Variants in PCMT1 observed in about 807,000 individuals in gnomAD.
PCMT1 encodes the protein protein-L-isoaspartate(D-aspartate) O-methyltransferase.
In PCMT1, 9 loss-of-function variants were observed where a neutral mutation model predicts 29.2. That is an observed-to-expected ratio of 0.31 (90% CI 0.19 to 0.54). The LOEUF is 0.54. PCMT1 is among the 20% of genes least tolerant of loss of function. The probability of loss-of-function intolerance (pLI) is 0.95; values close to 1 mark genes in which losing one functional copy is unlikely to be tolerated. For synonymous variants in PCMT1, 98 were observed against 97.5 expected (o/e 1.00, Z -0.03); for missense variants, 184 against 282.2 (o/e 0.65, Z 2.49).
chr6:149,760,220 C>G lies in PCMT1; in HGVS notation c.55+10264C>G, dbSNP rs192840236. On this transcript the variant is annotated intron_variant, in intron 1 of 7. Transcript: ENST00000464889. ...TTACCTTTCCAGGCCTTTTTAGAGT[C>G]TTATATAGCTTACTCCCATGCTCCA... is the stretch of plus-strand genomic sequence containing the variant. 2.0e-3 allele frequency among the ~76,000 whole-genome samples: 310 copies of G among 152,140 alleles called. 4 individuals carry two copies. The highest frequency in any genetic ancestry group is 8.1e-4 in the Non-Finnish European group (55 of 67,956).
intron 4 of PCMT1, among the ~76,000 whole-genome samples, chr6:149,793,150 G>A (rs531004189): frequency 4.0e-5 from 5 of 124,572 alleles, no homozygotes; most frequent in South Asian, 5.4e-4. Context: ...GTGACAGAGC[G>A]AGACTCTCTC....
intron 1 of PCMT1, 63 bp from the exon 2 acceptor site, chr6:149,771,099 T>C: frequency 1.0e-6 from 1 of 979,800 alleles, no homozygotes. Context: ...GCTGGTGTAA[T>C]TATTCTAAAA....
At chr6:149,808,774 T>C (rs1456873530) in intron 7 of PCMT1, among the ~76,000 whole-genome samples, 2 of 151,706 alleles carry the variant, frequency 1.3e-5, no homozygotes, top group Admixed American at 1.3e-4. Context: ...ATAGCTAGGA[T>C]TACAGGTGCA....
chr6:149,789,066 ATTTTTTTTT>A (rs56661461), intron 3 of PCMT1, among the ~76,000 whole-genome samples: 5 of 90,476 alleles, frequency 5.5e-5, no homozygotes, highest in South Asian at 4.0e-4. Context: ...ATTGGATCTG[ATTTTTTTTT>A]TTTTTTTTTT....
At chr6:149,795,566 T>C (rs1788571255) in intron 5 of PCMT1, 1 of 520,418 alleles carries the variant, frequency 1.9e-6, no homozygotes, top group Non-Finnish European at 3.5e-6. Flanking sequence ...AACACAACTT[T>C]ACACAACCCA....
At position 149,771,226 on chromosome 6, in the gene PCMT1, T is replaced by C. The variant is rs1787308350; in HGVS notation, c.120T>C (p.Tyr40=). 6 of 1,611,600 alleles carry C rather than the reference T, an allele frequency of 3.7e-6. No homozygotes were observed. Among genetic ancestry groups the C allele is most frequent in the East Asian group, 2.2e-5 (1 of 44,858 alleles). The change falls in exon 2 of 8, where the codon TAT becomes TAC. Residue 40 remains tyrosine, a synonymous_variant. Coordinates refer to ENST00000464889, the MANE Select transcript of PCMT1 (RefSeq NM_001360452.2). The stretch of plus-strand genomic sequence containing the variant: ...TGCTGGCTACAGACCGCTCCCACTA[T>C]GCAAAATGTAACCCATACATGGATT... ...EVMLATDRSH[Y]AKCNPYMDSP... is the part of the protein sequence containing the mutation.
intron 1 of PCMT1, among the ~76,000 whole-genome samples, chr6:149,750,737 T>C (rs1211051733): frequency 6.6e-6 from 1 of 152,162 alleles, no homozygotes; most frequent in African/African-American, 2.4e-5. Context: ...TCACTCTCCT[T>C]AGTTACTGTA....
Position 149,810,873 on chromosome 6 carries a change from G to A in PCMT1, c.*295G>A, listed in dbSNP as rs1196052227. 1 of 390,576 alleles carries A rather than the reference G, an allele frequency of 2.6e-6. No homozygotes were observed. The allele number at this position is 390,576 out of a possible 1,614,324, so 24.2% of individuals were successfully genotyped here. A position where few individuals can be genotyped will look rare whatever the true frequency, so the allele number is the denominator to read the frequency against. On this transcript the variant is annotated 3_prime_UTR_variant, in exon 8 of 8. Coordinates refer to ENST00000464889, the MANE Select transcript of PCMT1 (RefSeq NM_001360452.2). ...CTTTAACATGCCCATATTTTACTTG[G>A]AAATATTAAAAGAAAGGGTTCTGTA... is the stretch of plus-strand genomic sequence containing the variant.
chr6:149,756,230 A>T (rs1786498374), intron 1 of PCMT1, among the ~76,000 whole-genome samples: 1 of 152,102 alleles, frequency 6.6e-6, no homozygotes, highest in South Asian at 2.1e-4. Flanking sequence ...AAGAATTATG[A>T]TTTGTAGTTT....
In PCMT1 at chr6:149,773,122, T is replaced by C; in HGVS notation, c.161-16T>C. 1 of 1,603,000 alleles carries C rather than the reference T, an allele frequency of 6.2e-7. No individual in the cohort carries two copies. Among genetic ancestry groups the C allele is most frequent in the South Asian group, 1.1e-5 (1 of 90,262 alleles). On this transcript the variant is annotated splice_polypyrimidine_tract_variant and intron_variant, in intron 2 of 7. Transcript: ENST00000464889. ...TTACAGCTGACTGTATCAGTAGTTCTCTTCTTCTTTTGCAGGTTTCCAAGC... is the reference window on the plus strand; with the variant it reads ...TTACAGCTGACTGTATCAGTAGTTCCCTTCTTCTTTTGCAGGTTTCCAAGC...
chr6:149,768,756 A>G (rs1024251307), intron 1 of PCMT1, among the ~76,000 whole-genome samples: 1 of 151,270 alleles, frequency 6.6e-6, no homozygotes, highest in Non-Finnish European at 1.5e-5. Context: ...CCTCCTTAGG[A>G]GCTGGGATTA....
intron 1 of PCMT1, among the ~76,000 whole-genome samples, chr6:149,757,294 G>T (rs1391018905): frequency 6.6e-6 from 1 of 152,174 alleles, no homozygotes; most frequent in Non-Finnish European, 1.5e-5. Flanking sequence ...ATCACTGAAG[G>T]TTCTTTTGGA....
intron 5 of PCMT1, chr6:149,795,552 CGA>C: frequency 2.0e-6 from 1 of 491,824 alleles, no homozygotes; most frequent in Admixed American, 2.7e-5. Context: ...TGGATCTGGC[CGA>C]GAACACAACT....
chr6:149,768,444 ATTTT>A (rs548328646), intron 1 of PCMT1, among the ~76,000 whole-genome samples: 937 of 75,888 alleles, frequency 0.012, 14 homozygotes, highest in African/African-American at 0.059. Context: ...TTAGTCTTGA[ATTTT>A]TTTTTTTTTT....
intron 7 of PCMT1, 161 bp downstream of exon 7, chr6:149,802,577 A>G: frequency 9.3e-7 from 1 of 1,074,052 alleles, no homozygotes; most frequent in Non-Finnish European, 1.2e-6. Flanking sequence ...TCTTTGGGAA[A>G]GGGAGGGTGA....
chr6:149,765,195 C>G (rs1213650464), intron 1 of PCMT1, among the ~76,000 whole-genome samples: 1 of 150,200 alleles, frequency 6.7e-6, no homozygotes. Flanking sequence ...CCCGTCTCTA[C>G]TAAAAATACA....
At position 149,776,081 on chromosome 6, in the gene PCMT1, C is replaced by T. The variant is rs538768561; in HGVS notation, c.192+2912C>T. Among the ~76,000 whole-genome samples, 6 of 152,110 alleles carry T rather than the reference C, an allele frequency of 3.9e-5. No homozygotes were observed. The South Asian group carries it at 1.2e-3, about 32-fold the overall frequency. On this transcript the variant is annotated intron_variant, in intron 3 of 7. Coordinates refer to ENST00000464889, the MANE Select transcript of PCMT1 (RefSeq NM_001360452.2). ...GGCTGAGGCAGGAGAATCGCTTGAA[C>T]CCGGGAGGCAGAGGTTGCGTTGAGC... is the stretch of plus-strand genomic sequence containing the variant.
intron 6 of PCMT1, chr6:149,797,333 A>C (rs898058966): frequency 7.9e-5 from 12 of 152,220 alleles, no homozygotes; most frequent in African/African-American, 2.9e-4. Context: ...AGAATTGTGC[A>C]GTGAGTGGTC....
chr6:149,776,205 A>G (rs1474547077), intron 3 of PCMT1, among the ~76,000 whole-genome samples: 1 of 151,964 alleles, frequency 6.6e-6, no homozygotes, highest in African/African-American at 2.4e-5. Flanking sequence ...AATACAAATG[A>G]CTTTGACATT....
Sources: gnomAD v4.1 joint callset for allele counts (sites outside exome capture counted in the v4.1 genomes callset) on GRCh38, gnomAD v4.1.1 for gene constraint, MANE v1.5 for transcripts, NCBI Gene and HGNC (gene_info 2026-07-23, HGNC 2026-07-21) for gene names.